Variants in GON4L observed in about 807,000 individuals in gnomAD.
GON4L encodes GON-4-like protein.
GON4L carries 87 observed loss-of-function variants against 211.8 expected under a neutral mutation model. That is an observed-to-expected ratio of 0.41 (90% confidence interval 0.35 to 0.49). The LOEUF (loss-of-function observed/expected upper bound fraction) is 0.49. GON4L is among the 20% of genes least tolerant of loss of function. GON4L has a pLI of 0.15. For missense variants in GON4L, 2,155 were observed against 2,659.5 expected (o/e 0.81, Z 4.17); for synonymous variants, 875 against 962.6 (o/e 0.91, Z 1.68).
chr1:155,765,789 A>C lies in GON4L; in HGVS notation c.3684T>G (p.Asn1228Lys). ...CAGCCACAGCACAAGCAATGTCCAC[A>C]TTCACGTGGGCCTTATCTTCAGGGG... ...PSTPEDKAHV[N>K]VDIACAVADG... The change falls in exon 21 of 32, where the codon AAT becomes AAG. Residue 1228 changes from asparagine to lysine, a missense_variant. Physicochemically the swap from Asn to Lys is moderately conservative, Grantham distance 94. This residue lies in a region of GON4L where 615 missense variants were observed against 625.7 expected (regional missense o/e 0.98). Transcript: ENST00000368331. 6.2e-7 allele frequency: 1 copy of C among 1,614,216 alleles called. No homozygotes were observed. Among genetic ancestry groups the C allele is most frequent in the East Asian group, 2.2e-5 (1 of 44,890 alleles).
Position 155,765,458 on chromosome 1 carries a change from A to G in GON4L, c.4015T>C (p.Ser1339Pro). The part of the protein sequence containing the change: ...PEEAREEISG[S>P]PERDICDDIK... ...TCATCACAAATATCACGCTCAGGGG[A>G]TCCACTGATTTCCTCTCTAGCTTCT... is the stretch of plus-strand genomic sequence containing the variant. Residue 1339 changes from serine (S) to proline (P), a missense_variant, in exon 21 of 32, where the codon TCC (serine) becomes CCC (proline). Around this residue, in one of 6 missense-constraint regions of GON4L, gnomAD observed 615 missense variants for 625.7 expected, o/e 0.98. Transcript: ENST00000368331. 6.2e-7 allele frequency: 1 copy of G among 1,614,100 alleles called. No individual in the cohort carries two copies. Among genetic ancestry groups the G allele is most frequent in the South Asian group, 1.1e-5 (1 of 91,074 alleles).
chr1:155,828,356 T>A (rs892535351), intron 2 of GON4L, among the ~76,000 whole-genome samples: 1 of 151,542 alleles, frequency 6.6e-6, no homozygotes, highest in African/African-American at 2.4e-5. Context: ...CCAGGCATGG[T>A]GGCAGGCACC....
intron 2 of GON4L, among the ~76,000 whole-genome samples, chr1:155,847,421 A>G (rs1557929863): frequency 6.6e-6 from 1 of 152,096 alleles, no homozygotes; most frequent in Non-Finnish European, 1.5e-5. Context: ...AATACAAAAA[A>G]AGCCAGGTGC....
Position 155,826,998 on chromosome 1 carries a change from AT to A in GON4L, c.535del (p.Ile179TyrfsTer14). 1.9e-6 allele frequency: 3 copies of A among 1,613,696 alleles called. No individual in the cohort carries two copies. Among genetic ancestry groups the A allele is most frequent in the Non-Finnish European group, 2.5e-6 (3 of 1,179,582 alleles). The stretch of plus-strand genomic sequence containing the variant: ...TTGGCTGCCTGATGGCAGGGAAGGT[AT>A]CTCCCCTTCAGAATTCATTTGAGGT... ...GKPQMNSEGE[I>X]PSLPSGSQSA... On this transcript the variant is annotated frameshift_variant, in exon 3 of 32. Coordinates refer to ENST00000368331, the MANE Select transcript of GON4L (RefSeq NM_001282860.2). LOFTEE classifies it high-confidence loss of function.
At chr1:155,774,307 ATTT>A (rs59844793) in intron 17 of GON4L, among the ~76,000 whole-genome samples, 18 of 107,366 alleles carry the variant, frequency 1.7e-4, no homozygotes, top group Admixed American at 2.0e-4. Flanking sequence ...AAGTTAGTTG[ATTT>A]TTTTTTTTTT....
Position 155,773,109 on chromosome 1 carries a change from T to C in GON4L, c.2452A>G (p.Lys818Glu), listed in dbSNP as rs747760747. ...AAGACGATCTTATCCTGGGGATTCT[T>C]TGCCTTCAGGGAACACACTGGAAGT... is the stretch of plus-strand genomic sequence containing the variant. Reference protein sequence around the residue: ...ELLPVCSLKAKNPQDKIVFTK... With the variant: ...ELLPVCSLKAENPQDKIVFTK... The change falls in exon 18 of 32, where the codon AAG becomes GAG. Residue 818 changes from lysine (K) to glutamate (E), a missense_variant. Coordinates refer to ENST00000368331, the MANE Select transcript of GON4L (RefSeq NM_001282860.2). 3.1e-6 allele frequency: 5 copies of C among 1,613,064 alleles called. No individual in the cohort carries two copies. The highest frequency in any genetic ancestry group is 4.2e-6 in the Non-Finnish European group (5 of 1,179,946).
intron 12 of GON4L, among the ~76,000 whole-genome samples, chr1:155,793,952 C>T (rs1482372857): frequency 6.6e-6 from 1 of 151,972 alleles, no homozygotes; most frequent in Admixed American, 6.6e-5. Context: ...GCTAAGTTAT[C>T]ATAATTGTTT....
intron 25 of GON4L, 109 bp from the exon 26 acceptor site, chr1:155,757,432 AC>A: frequency 2.2e-6 from 2 of 919,588 alleles, no homozygotes; most frequent in Non-Finnish European, 3.3e-6. Context: ...CAACTGGGAA[AC>A]ACACAGAGAC....
chr1:155,804,963 T>C lies in GON4L; in HGVS notation c.1631A>G (p.Asp544Gly). The change falls in exon 11 of 32, where the codon GAT (aspartate) becomes GGT (glycine). Residue 544 changes from aspartate to glycine, a missense_variant. Coordinates refer to ENST00000368331, the MANE Select transcript of GON4L (RefSeq NM_001282860.2). ...KMWLGGLMND[D>G]VGNEDEADDD... ...CCAAAACTTACCTTCATTCCCCACA[T>C]CATCATTCATAAGTCCCCCCAGCCA... 6.2e-7 allele frequency: 1 copy of C among 1,613,326 alleles called. No homozygotes were observed. The highest frequency in any genetic ancestry group is 8.5e-7 in the Non-Finnish European group (1 of 1,179,344).
At chr1:155,846,363 A>C (rs1315551760) in intron 2 of GON4L, 1 of 152,020 alleles carries the variant, frequency 6.6e-6, no homozygotes, top group Non-Finnish European at 1.5e-5. Flanking sequence ...TCTACTAAAA[A>C]TACAAAAAAA....
In GON4L at chr1:155,757,092, G is replaced by T. The variant is rs1661266672; in HGVS notation, c.5398-15C>A. On this transcript the variant is annotated splice_polypyrimidine_tract_variant and intron_variant, in intron 26 of 31. Coordinates refer to ENST00000368331, the MANE Select transcript of GON4L (RefSeq NM_001282860.2). Reference sequence around the variant, plus strand: ...AAGCCATCAAACTGAGAAGGAGTTGGTGCTGCTGAGCACAGACACCAGGCC... The same window carrying T: ...AAGCCATCAAACTGAGAAGGAGTTGTTGCTGCTGAGCACAGACACCAGGCC... The T allele has an allele frequency of 6.2e-7, 1 of 1,613,768 alleles. No individual in the cohort carries two copies. The highest frequency in any genetic ancestry group is 1.3e-5 in the African/African-American group (1 of 74,900).
At chr1:155,845,732 G>A in intron 2 of GON4L, 1 of 283,418 alleles carries the variant, frequency 3.5e-6, no homozygotes. Context: ...CTCAGTATTG[G>A]TCACTAGTGA....
intron 15 of GON4L, among the ~76,000 whole-genome samples, chr1:155,776,913 A>G (rs953313378): frequency 1.3e-5 from 2 of 152,192 alleles, no homozygotes; most frequent in African/African-American, 4.8e-5. Context: ...GCTTTCTGAA[A>G]GGAGTATGAA....
At chr1:155,829,782 T>C (rs1416604524) in intron 2 of GON4L, among the ~76,000 whole-genome samples, 4 of 152,052 alleles carry the variant, frequency 2.6e-5, no homozygotes, top group Non-Finnish European at 1.5e-5. Flanking sequence ...GCATCCAGCA[T>C]ATCTATAAAG....
At position 155,753,254 on chromosome 1, in the gene GON4L, G is replaced by A; in HGVS notation, c.5792C>T (p.Thr1931Ile). ...APEERESTEA[T>I]QSRTVRTTRK... Reference sequence around the variant, plus strand: ...GGTGGTCCTGACAGTCCTGCTCTGGGTGGCCTCAGTGCTCTCCCGCTCCTC... The same window carrying A: ...GGTGGTCCTGACAGTCCTGCTCTGGATGGCCTCAGTGCTCTCCCGCTCCTC... Residue 1931 changes from threonine to isoleucine, a missense_variant, in exon 29 of 32, where the codon ACC becomes ATC. Transcript: ENST00000368331. 9 of 1,613,830 alleles carry A rather than the reference G, an allele frequency of 5.6e-6. No individual in the cohort carries two copies. In the South Asian group the frequency reaches 9.9e-5, roughly 18 times the overall value.
chr1:155,794,077 CTCT>C lies in GON4L; in HGVS notation c.1747+970_1747+972del, dbSNP rs796069309. On this transcript the variant is annotated intron_variant, in intron 12 of 31. Transcript: ENST00000368331. ...GTTCCTACTGATTTACTGCTTAAAC[CTCT>C]TTTTTTTTTCAGGCGGAGCCTTGCT... Among the ~76,000 whole-genome samples the C allele has an allele frequency of 1.1e-4, 17 of 151,812 alleles. 1 individual carries two copies. The highest frequency in any genetic ancestry group is 4.1e-4 in the African/African-American group (17 of 41,424).
chr1:155,790,053 C>G (rs1197902567), intron 12 of GON4L, among the ~76,000 whole-genome samples: 3 of 152,058 alleles, frequency 2.0e-5, no homozygotes, highest in Non-Finnish European at 4.4e-5. Context: ...ATCCTCCTGA[C>G]TCTGTCTCCA....
At chr1:155,770,969 A>G (rs1378935629) in intron 19 of GON4L, 98 bp downstream of exon 19, 2 of 1,533,806 alleles carry the variant, frequency 1.3e-6, no homozygotes, top group East Asian at 2.2e-5. Context: ...AATTAGCTTT[A>G]GATAAAAGAA....
At chr1:155,768,890 A>C (rs1401805191) in intron 19 of GON4L, among the ~76,000 whole-genome samples, 1 of 152,126 alleles carries the variant, frequency 6.6e-6, no homozygotes, top group African/African-American at 2.4e-5. Flanking sequence ...CACTTGATAA[A>C]CCGTATTCTG....
Sources: allele counts gnomAD v4.1 joint callset (sites outside exome capture counted in the v4.1 genomes callset), GRCh38; gene constraint gnomAD v4.1.1; regional missense constraint gnomAD v4.1.1; transcripts MANE v1.5; gene names NCBI Gene and HGNC (gene_info 2026-07-23, HGNC 2026-07-21).